SNX29: variants seen among roughly 807,000 people sequenced by gnomAD.
The protein encoded by SNX29 is sorting nexin-29.
Under a neutral mutation model 102.1 loss-of-function variants are expected in SNX29, and 78 were observed. The observed-to-expected ratio is 0.76, with a 90% CI of 0.64 to 0.92. The LOEUF (loss-of-function observed/expected upper bound fraction) is 0.92, where lower values mean the gene tolerates loss of function less well. Among genes scored for constraint, SNX29 ranks in the 40% least tolerant of loss-of-function variants. SNX29 has a pLI of 0.00. For synonymous variants in SNX29, 580 were observed against 414.5 expected, an observed-to-expected ratio of 1.40 and a Z score of -4.85; for missense variants, 1,280 against 1,061.7, an observed-to-expected ratio of 1.21 and a Z score of -2.86.
chr16:12,325,669 T>C (rs572268141), intron 15 of SNX29, among the ~76,000 whole-genome samples: 27 of 152,300 alleles, frequency 1.8e-4, no homozygotes, highest in African/African-American at 6.3e-4. Flanking sequence ...TGGCAATTTC[T>C]GAGAACAAAA....
chr16:12,403,677 C>G (rs1597254215), intron 18 of SNX29, 148 bp downstream of exon 18: 2 of 770,786 alleles, frequency 2.6e-6, no homozygotes, highest in Non-Finnish European at 4.2e-6. Context: ...TGCCCAGAGG[C>G]CTTGCCGAAG....
chr16:12,443,302 C>T (rs1268536348), intron 18 of SNX29: 1 of 195,012 alleles, frequency 5.1e-6, no homozygotes, highest in Non-Finnish European at 1.1e-5. Flanking sequence ...ACTCTACCAA[C>T]CCCTGGCCAA....
At chr16:12,564,619 C>T (rs535708003) in intron 20 of SNX29, among the ~76,000 whole-genome samples, 3 of 151,568 alleles carry the variant, frequency 2.0e-5, no homozygotes, top group South Asian at 4.2e-4. Context: ...CAGACCTAGT[C>T]CCAGCATTAA....
chr16:12,016,146 G>C (rs1447723578), intron 3 of SNX29, among the ~76,000 whole-genome samples: 2 of 152,152 alleles, frequency 1.3e-5, no homozygotes, highest in Non-Finnish European at 2.9e-5. Context: ...ATTGCAGGTG[G>C]GAGCCACTGC....
At chr16:12,390,178 G>GTA (rs1555526526) in intron 16 of SNX29, among the ~76,000 whole-genome samples, 10 of 149,444 alleles carry the variant, frequency 6.7e-5, no homozygotes, top group South Asian at 2.2e-4. Flanking sequence ...GTGTGTGTGT[G>GTA]TGTATGTATA....
At chr16:12,114,215 G>C (rs1456517480) in intron 11 of SNX29, among the ~76,000 whole-genome samples, 4 of 152,168 alleles carry the variant, frequency 2.6e-5, no homozygotes, top group Non-Finnish European at 5.9e-5. Context: ...TAAAATAAGG[G>C]AATAATATCG....
At chr16:12,277,739 C>T (rs1452914051) in intron 14 of SNX29, among the ~76,000 whole-genome samples, 194 bp from the exon 15 acceptor site, 1 of 152,086 alleles carries the variant, frequency 6.6e-6, no homozygotes, top group Non-Finnish European at 1.5e-5. Flanking sequence ...CATTCCTGGC[C>T]TTGTCACTCG....
intron 15 of SNX29, among the ~76,000 whole-genome samples, chr16:12,345,768 T>A (rs2081780808): frequency 6.6e-6 from 1 of 152,202 alleles, no homozygotes; most frequent in South Asian, 2.1e-4. Context: ...TCTCGTTCCA[T>A]CCATGTCGGT....
intron 16 of SNX29, among the ~76,000 whole-genome samples, chr16:12,368,601 T>C (rs1398448943): frequency 6.6e-6 from 1 of 152,196 alleles, no homozygotes; most frequent in East Asian, 1.9e-4. Context: ...CTTCACTTCA[T>C]GGTTATTTGG....
chr16:12,438,227 T>A (rs2085626804), intron 18 of SNX29, among the ~76,000 whole-genome samples: 1 of 152,190 alleles, frequency 6.6e-6, no homozygotes, highest in Admixed American at 6.5e-5. Context: ...ACCAGTCCCA[T>A]GAGGCCAGGC....
intron 14 of SNX29, among the ~76,000 whole-genome samples, chr16:12,258,377 G>A (rs967942623): frequency 2.6e-5 from 4 of 152,064 alleles, no homozygotes; most frequent in Admixed American, 6.6e-5. Flanking sequence ...CATTCCCCCC[G>A]TGATAGCCCC....
intron 18 of SNX29, among the ~76,000 whole-genome samples, chr16:12,431,647 T>C (rs1177307030): frequency 1.3e-5 from 2 of 152,108 alleles, no homozygotes; most frequent in Admixed American, 6.5e-5. Flanking sequence ...TTACGTAAAG[T>C]GTGAGTTTTC....
chr16:12,371,528 G>A (rs1211684579), intron 16 of SNX29, among the ~76,000 whole-genome samples: 2 of 152,084 alleles, frequency 1.3e-5, no homozygotes, highest in Non-Finnish European at 2.9e-5. Flanking sequence ...TACTGGTCTC[G>A]AACTTCTGGG....
At position 12,570,284 on chromosome 16, in the gene SNX29, G is replaced by C. The variant is rs528162747; in HGVS notation, c.*1655G>C. On this transcript the variant is annotated 3_prime_UTR_variant, in exon 21 of 21. Coordinates refer to ENST00000566228, the MANE Select transcript of SNX29 (RefSeq NM_032167.5). ...TATGGAGGTGCGGACCCTGCAGTCAGTTTGCGAGTGTGGAGGACCCGAGAC... is the reference window on the plus strand; with the variant it reads ...TATGGAGGTGCGGACCCTGCAGTCACTTTGCGAGTGTGGAGGACCCGAGAC... The C allele has an allele frequency of 1.4e-4, 152 of 1,061,612 alleles. No homozygotes were observed. Among genetic ancestry groups the C allele is most frequent in the Non-Finnish European group, 1.5e-4 (133 of 876,070 alleles). The allele number at this position is 1,061,612 out of a possible 1,614,324, so 65.8% of individuals were successfully genotyped here. A position where few individuals can be genotyped will look rare whatever the true frequency, so the allele number is the denominator to read the frequency against.
chr16:12,328,744 C>A (rs765642427), intron 15 of SNX29, among the ~76,000 whole-genome samples: 47 of 152,188 alleles, frequency 3.1e-4, no homozygotes, highest in Non-Finnish European at 5.9e-4. Flanking sequence ...GTGTATCTCT[C>A]CCTGTTTTAC....
intron 15 of SNX29, among the ~76,000 whole-genome samples, chr16:12,329,226 A>G (rs933756956): frequency 3.6e-5 from 5 of 139,406 alleles, no homozygotes; most frequent in Middle Eastern, 4.4e-3. Context: ...GCAGTGAGCT[A>G]TGATTATGCC....
chr16:12,259,284 ATACAGCGTGAT>A lies in SNX29; in HGVS notation c.1679-18642_1679-18632del, dbSNP rs1268916829. Among the ~76,000 whole-genome samples the A allele has an allele frequency of 3.3e-5, 5 of 152,188 alleles. No individual in the cohort carries two copies. In the East Asian group the frequency reaches 9.6e-4, roughly 29 times the overall value. On this transcript the variant is annotated intron_variant, in intron 14 of 20. Coordinates refer to ENST00000566228, the MANE Select transcript of SNX29 (RefSeq NM_032167.5). ...CAGGTGTACATGGGAATCGTTTAAAATACAGCGTGATTACAGCTGGGCCACCTGGCTGCTCG... is the reference window on the plus strand; with the variant it reads ...CAGGTGTACATGGGAATCGTTTAAAATACAGCTGGGCCACCTGGCTGCTCG...
intron 3 of SNX29, among the ~76,000 whole-genome samples, chr16:12,004,336 A>C (rs1307891674): frequency 1.3e-5 from 2 of 151,160 alleles, no homozygotes; most frequent in Non-Finnish European, 2.9e-5. Context: ...GCAAGATTCC[A>C]TCTCAAAAAA....
chr16:12,229,012 G>A (rs1392133961), intron 14 of SNX29, among the ~76,000 whole-genome samples: 3 of 152,212 alleles, frequency 2.0e-5, no homozygotes, highest in Admixed American at 1.3e-4. Flanking sequence ...ATGCCTTGCA[G>A]GGCTTGCTTG....
Sources: gnomAD v4.1 joint callset for allele counts (sites outside exome capture counted in the v4.1 genomes callset) on GRCh38, gnomAD v4.1.1 for gene constraint, MANE v1.5 for transcripts, NCBI Gene and HGNC (gene_info 2026-07-23, HGNC 2026-07-21) for gene names.